The following DCTN6 variants were observed in gnomAD, a reference collection of about 807,000 sequenced individuals.
The protein encoded by DCTN6 is dynactin 6.
Under a neutral mutation model 25.8 loss-of-function variants are expected in DCTN6, and 15 were observed. The ratio of observed to expected loss-of-function variants is 0.58; its 90% CI spans 0.39 to 0.89. DCTN6 has a LOEUF of 0.89. Among genes scored for constraint, DCTN6 ranks in the 40% least tolerant of loss-of-function variants. DCTN6 has a pLI of 0.00. For synonymous variants in DCTN6, 64 were observed against 78.3 expected, an observed-to-expected ratio of 0.82 and a Z score of 0.96; for missense variants, 198 against 237.6, an observed-to-expected ratio of 0.83 and a Z score of 1.09.
chr8:30,182,640 A>C (rs1585507638), intron 6 of DCTN6, among the ~76,000 whole-genome samples: 1 of 151,264 alleles, frequency 6.6e-6, no homozygotes, highest in South Asian at 2.1e-4. Context: ...AAATGAGTCA[A>C]TGAAAAGCAC....
intron 2 of DCTN6, among the ~76,000 whole-genome samples, chr8:30,171,480 A>G (rs1803764000): frequency 6.6e-6 from 1 of 151,806 alleles, no homozygotes; most frequent in East Asian, 1.9e-4. Flanking sequence ...CTGGTCTGGA[A>G]CTCGTGGCCT....
At chr8:30,178,888 C>T (rs986613779) in intron 4 of DCTN6, among the ~76,000 whole-genome samples, 3 of 152,128 alleles carry the variant, frequency 2.0e-5, no homozygotes, top group African/African-American at 7.2e-5. Flanking sequence ...AACCCCTAGG[C>T]TCAAGCAATC....
intron 1 of DCTN6, among the ~76,000 whole-genome samples, chr8:30,162,714 A>G (rs1803612629): frequency 6.6e-6 from 1 of 152,194 alleles, no homozygotes; most frequent in African/African-American, 2.4e-5. Flanking sequence ...AATAAGTTAT[A>G]TGGAAATTAT....
chr8:30,163,959 C>T (rs1269736573), intron 1 of DCTN6, 152 bp from the exon 2 acceptor site: 1 of 630,474 alleles, frequency 1.6e-6, no homozygotes, highest in Admixed American at 2.9e-5. Context: ...ACCTCGGCCT[C>T]CCAAAGTGCT....
chr8:30,162,948 C>T (rs1803615977), intron 1 of DCTN6, among the ~76,000 whole-genome samples: 1 of 151,878 alleles, frequency 6.6e-6, no homozygotes, highest in African/African-American at 2.4e-5. Context: ...TTTCTCACTT[C>T]ACTCTTTTTT....
Position 30,183,226 on chromosome 8 carries a change from A to G in DCTN6, c.*53A>G, listed in dbSNP as rs1011337503. On this transcript the variant is annotated 3_prime_UTR_variant, in exon 7 of 7. Coordinates refer to ENST00000221114, the MANE Select transcript of DCTN6 (RefSeq NM_006571.4). ...TTTGTCTTTGACCACTGTCTTTTGA[A>G]TGGGCCCACAGTGTTTATGTACTCT... 3.1e-5 allele frequency: 44 copies of G among 1,417,926 alleles called. No homozygotes were observed. The African/African-American group carries it at 5.2e-4, about 17-fold the overall frequency. 87.8% of individuals were successfully genotyped at this position (1,417,926 alleles called of 1,614,324 possible). A position where few individuals can be genotyped will look rare whatever the true frequency, so the allele number is the denominator to read the frequency against.
At chr8:30,169,553 A>G (rs1437992134) in intron 2 of DCTN6, among the ~76,000 whole-genome samples, 4 of 152,234 alleles carry the variant, frequency 2.6e-5, no homozygotes, top group Admixed American at 1.3e-4. Context: ...TTAGTAAGAA[A>G]ATACACAAAC....
chr8:30,180,718 A>G (rs902162620), intron 6 of DCTN6, 88 bp downstream of exon 6: 1 of 1,416,784 alleles, frequency 7.1e-7, no homozygotes, highest in Non-Finnish European at 9.5e-7. Flanking sequence ...CAGGTACACT[A>G]TTTAAGAACA....
chr8:30,168,510 T>C (rs924145205), intron 2 of DCTN6, among the ~76,000 whole-genome samples: 110 of 152,260 alleles, frequency 7.2e-4, no homozygotes, highest in Non-Finnish European at 2.8e-4. Context: ...ACTTAGTTTA[T>C]CTGAGTTAAG....
intron 2 of DCTN6, 51 bp downstream of exon 2, chr8:30,164,226 A>G (rs777233185): frequency 1.9e-5 from 26 of 1,399,176 alleles, no homozygotes; most frequent in Non-Finnish European, 2.6e-5. Context: ...GATTTAATCT[A>G]TTTTAGTGCT....
At chr8:30,179,478 T>C in intron 5 of DCTN6, 23 bp downstream of exon 5, 1 of 1,602,592 alleles carries the variant, frequency 6.2e-7, no homozygotes, top group Non-Finnish European at 8.5e-7. Context: ...CAGAGTTTCA[T>C]TGTCAAAGCA....
intron 2 of DCTN6, among the ~76,000 whole-genome samples, chr8:30,174,583 G>A (rs912596159): frequency 2.6e-5 from 4 of 152,204 alleles, no homozygotes; most frequent in East Asian, 1.9e-4. Flanking sequence ...CGATCTCCCC[G>A]CCTTGGCCTC....
intron 1 of DCTN6, among the ~76,000 whole-genome samples, chr8:30,160,846 A>G (rs1286652143): frequency 1.3e-5 from 2 of 152,148 alleles, no homozygotes; most frequent in African/African-American, 4.8e-5. Context: ...ATGCGACTGT[A>G]TGCACTTTGT....
At chr8:30,179,345 T>C (rs367960263) in intron 4 of DCTN6, 63 bp from the exon 5 acceptor site, 288 of 1,394,496 alleles carry the variant, frequency 2.1e-4, no homozygotes, top group Non-Finnish European at 2.7e-4. Context: ...TGTAAGTACA[T>C]ACTGTGTTAG....
chr8:30,164,340 G>C (rs1371696399), intron 2 of DCTN6, among the ~76,000 whole-genome samples, 165 bp downstream of exon 2: 1 of 152,202 alleles, frequency 6.6e-6, no homozygotes, highest in Non-Finnish European at 1.5e-5. Flanking sequence ...AAAGAATGTA[G>C]TGTGATGGAG....
At chr8:30,177,805 C>T (rs546319259) in intron 4 of DCTN6, among the ~76,000 whole-genome samples, 4 of 152,288 alleles carry the variant, frequency 2.6e-5, no homozygotes, top group Admixed American at 2.0e-4. Context: ...AAAAATGGTC[C>T]CTTCTGTTCC....
At chr8:30,172,825 A>G (rs752513756) in intron 2 of DCTN6, among the ~76,000 whole-genome samples, 5 of 152,136 alleles carry the variant, frequency 3.3e-5, no homozygotes, top group Non-Finnish European at 7.3e-5. Flanking sequence ...AAGAATAGCT[A>G]ACTATTTTTT....
Position 30,180,546 on chromosome 8 carries a change from C to G in DCTN6, c.390C>G (p.Asn130Lys), listed in dbSNP as rs1167133291. 2 of 1,614,024 alleles carry G rather than the reference C, an allele frequency of 1.2e-6. No homozygotes were observed. The highest frequency in any genetic ancestry group is 4.5e-5 in the East Asian group (2 of 44,884). Residue 130 changes from asparagine (N) to lysine (K), a missense_variant, in exon 6 of 7, where the codon AAC becomes AAG. Coordinates refer to ENST00000221114, the MANE Select transcript of DCTN6 (RefSeq NM_006571.4). ...TSGCIIGACC[N>K]LNTFEVIPEN... Reference sequence around the variant, plus strand: ...GCTGCATCATTGGGGCTTGTTGCAACCTAAATACATTTGAAGTCATCCCTG... The same window carrying G: ...GCTGCATCATTGGGGCTTGTTGCAAGCTAAATACATTTGAAGTCATCCCTG...
At chr8:30,166,769 A>G (rs892246982) in intron 2 of DCTN6, among the ~76,000 whole-genome samples, 3 of 151,914 alleles carry the variant, frequency 2.0e-5, no homozygotes, top group Admixed American at 6.6e-5. Context: ...TAACCCTCTT[A>G]TGTTCCTACC....
Sources: gnomAD v4.1 joint callset for allele counts (sites outside exome capture counted in the v4.1 genomes callset) on GRCh38, gnomAD v4.1.1 for gene constraint, MANE v1.5 for transcripts, NCBI Gene and HGNC (gene_info 2026-07-23, HGNC 2026-07-21) for gene names.